The following TAFA2 variants were observed in gnomAD, a reference collection of about 807,000 sequenced individuals.
The protein encoded by TAFA2 is TAFA chemokine like family member 2.
Under a neutral mutation model 18.8 loss-of-function variants are expected in TAFA2, and 7 were observed. That is an observed-to-expected ratio of 0.37 (90% CI 0.21 to 0.70). The LOEUF (loss-of-function observed/expected upper bound fraction) is 0.70. Ranked by LOEUF, TAFA2 falls within the 30% of genes least tolerant of loss-of-function variation. The pLI is 0.53. For synonymous variants in TAFA2, 60 were observed against 54.2 expected, an observed-to-expected ratio of 1.11 and a Z score of -0.47; for missense variants, 122 against 158.1, an observed-to-expected ratio of 0.77 and a Z score of 1.23.
intron 1 of TAFA2, among the ~76,000 whole-genome samples, chr12:61,941,631 C>T (rs1159874653): frequency 1.3e-5 from 2 of 152,212 alleles, no homozygotes; most frequent in Non-Finnish European, 2.9e-5. Flanking sequence ...CGAGGCATTG[C>T]CTCACCTGGG....
intron 1 of TAFA2, among the ~76,000 whole-genome samples, chr12:62,124,150 G>A (rs1271577794): frequency 6.6e-6 from 1 of 151,932 alleles, no homozygotes; most frequent in Admixed American, 6.6e-5. Context: ...TCAGAGAATC[G>A]CAAAGATTGC....
In TAFA2 at chr12:62,239,476, T is replaced by TTAATA. The variant is rs1448406719; in HGVS notation, c.-130+19282_-130+19286dup. ...ATGACAGTGATACTCCTCTCATCAA[T>TTAATA]TAATAGCTCCTCTTTTTAGTTTTGG... On this transcript the variant is annotated intron_variant, in intron 1 of 5. Transcript: ENST00000551619. Among the ~76,000 whole-genome samples the TTAATA allele has an allele frequency of 6.6e-5, 10 of 152,338 alleles. No homozygotes were observed. In the South Asian group the frequency reaches 1.4e-3, roughly 22 times the overall value.
intron 1 of TAFA2, among the ~76,000 whole-genome samples, chr12:62,149,720 T>C (rs1429695885): frequency 1.3e-5 from 2 of 151,952 alleles, no homozygotes; most frequent in Non-Finnish European, 2.9e-5. Context: ...AAGCATCATT[T>C]TTAAGGTTCA....
In TAFA2 at chr12:61,896,990, T is replaced by G. The variant is rs1353886192; in HGVS notation, c.-1-29564A>C. 3.7e-4 allele frequency among the ~76,000 whole-genome samples: 56 copies of G among 152,140 alleles called. 1 individual carries two copies. The highest frequency in any genetic ancestry group is 3.7e-3 in the Admixed American group (56 of 15,272). On this transcript the variant is annotated intron_variant, in intron 1 of 4. Coordinates refer to ENST00000416284, the MANE Select transcript of TAFA2 (RefSeq NM_178539.5). ...GGGTCCAGATGATCTCAAAAATGAC[T>G]GATTTCATGCAATATTACTTTTCCA...
chr12:61,973,589 T>C (rs1226224086), intron 1 of TAFA2, among the ~76,000 whole-genome samples: 1 of 151,636 alleles, frequency 6.6e-6, no homozygotes, highest in Admixed American at 6.6e-5. Context: ...AACAATTATA[T>C]CTCAATCCCC....
intron 1 of TAFA2, among the ~76,000 whole-genome samples, chr12:62,079,402 C>T (rs111361942): frequency 0.12 from 17,618 of 151,780 alleles, 1,145 homozygotes; most frequent in Non-Finnish European, 0.14. Flanking sequence ...CCTGTAATCC[C>T]AGCACTTTGG....
chr12:62,106,522 T>C (rs73123987), intron 1 of TAFA2, among the ~76,000 whole-genome samples: 15,071 of 152,194 alleles, frequency 0.099, 972 homozygotes, highest in Non-Finnish European at 0.14. Flanking sequence ...ATGCTTCGAA[T>C]TCCTGACTTG....
At chr12:62,235,800 C>A (rs1436500614) in intron 1 of TAFA2, among the ~76,000 whole-genome samples, 2 of 152,064 alleles carry the variant, frequency 1.3e-5, no homozygotes, top group Non-Finnish European at 2.9e-5. Flanking sequence ...GTCACCCAGG[C>A]TGGACCCTTG....
chr12:62,252,853 G>A (rs187333669), intron 1 of TAFA2: 1 of 152,126 alleles, frequency 6.6e-6, no homozygotes, highest in Non-Finnish European at 1.5e-5. Flanking sequence ...TGTGTCATGA[G>A]ATCAAACACT....
At chr12:61,778,398 T>C (rs959020208) in intron 2 of TAFA2, among the ~76,000 whole-genome samples, 2 of 151,810 alleles carry the variant, frequency 1.3e-5, no homozygotes, top group Non-Finnish European at 2.9e-5. Context: ...GTGAGAGTTC[T>C]AGTGACTCCC....
chr12:61,753,388 C>G (rs971948212), intron 4 of TAFA2, among the ~76,000 whole-genome samples: 1 of 151,918 alleles, frequency 6.6e-6, no homozygotes, highest in African/African-American at 2.4e-5. Flanking sequence ...AAGGAGCAAA[C>G]AGTGTTTATT....
intron 1 of TAFA2, among the ~76,000 whole-genome samples, chr12:62,085,656 G>A (rs1383412199): frequency 6.6e-6 from 1 of 152,056 alleles, no homozygotes; most frequent in Non-Finnish European, 1.5e-5. Context: ...TGATCTCATT[G>A]AGCAAATATT....
At position 61,986,155 on chromosome 12, in the gene TAFA2, C is replaced by G. The variant is rs1033445139; in HGVS notation, c.-1-118729G>C. On this transcript the variant is annotated intron_variant, in intron 1 of 4. Coordinates refer to ENST00000416284, the MANE Select transcript of TAFA2 (RefSeq NM_178539.5). ...AATCTAGACATAGACAATCTAAGCTCTTCTTTTTTTTTTTTTTTTTTTTTT... is the reference window on the plus strand; with the variant it reads ...AATCTAGACATAGACAATCTAAGCTGTTCTTTTTTTTTTTTTTTTTTTTTT... 3.7e-5 allele frequency among the ~76,000 whole-genome samples: 4 copies of G among 107,910 alleles called. No individual in the cohort carries two copies. The South Asian group carries it at 1.3e-3, about 36-fold the overall frequency. 70.8% of individuals were successfully genotyped at this position (107,910 alleles called of 152,430 possible).
chr12:61,862,387 G>A (rs552788787), intron 2 of TAFA2, among the ~76,000 whole-genome samples: 2 of 152,306 alleles, frequency 1.3e-5, no homozygotes, highest in African/African-American at 4.8e-5. Context: ...GTAAGGGACT[G>A]TTAGTTCTCA....
At chr12:62,007,652 T>A (rs1311177198) in intron 1 of TAFA2, among the ~76,000 whole-genome samples, 2 of 152,198 alleles carry the variant, frequency 1.3e-5, no homozygotes, top group African/African-American at 4.8e-5. Context: ...CCATCTTCTT[T>A]CTTTTGATTG....
rs546156328 is a variant in TAFA2, at chr12:62,104,260, T to A, written c.-2+86999A>T. 1.2e-4 allele frequency among the ~76,000 whole-genome samples: 16 copies of A among 131,772 alleles called. No homozygotes were observed. The South Asian group carries it at 4.3e-3, about 36-fold the overall frequency. The allele number at this position is 131,772 out of a possible 152,430, so 86.4% of individuals were successfully genotyped here. On this transcript the variant is annotated intron_variant, in intron 1 of 4. Transcript: ENST00000416284. Reference sequence around the variant, plus strand: ...ATAGCTTTCACAGTTGAATTTGGAATGCTGTTCTTCTGAAGCAAAAAAAAA... The same window carrying A: ...ATAGCTTTCACAGTTGAATTTGGAAAGCTGTTCTTCTGAAGCAAAAAAAAA...
chr12:61,748,253 G>A (rs951768783), intron 4 of TAFA2, among the ~76,000 whole-genome samples: 9 of 152,086 alleles, frequency 5.9e-5, no homozygotes, highest in African/African-American at 2.2e-4. Context: ...TGTGTGTGTA[G>A]TAGATCACTA....
chr12:61,766,496 G>C (rs1424651636), intron 2 of TAFA2, among the ~76,000 whole-genome samples: 1 of 152,110 alleles, frequency 6.6e-6, no homozygotes, highest in Non-Finnish European at 1.5e-5. Flanking sequence ...CTAGGAAGCT[G>C]TTACTTAGCC....
intron 1 of TAFA2, among the ~76,000 whole-genome samples, chr12:62,248,700 C>A (rs1293613674): frequency 6.6e-6 from 1 of 152,170 alleles, no homozygotes; most frequent in African/African-American, 2.4e-5. Context: ...CCTTCCACTC[C>A]ATTTACTTTA....
Sources: gnomAD v4.1 joint callset for allele counts (sites outside exome capture counted in the v4.1 genomes callset) on GRCh38, gnomAD v4.1.1 for gene constraint, MANE v1.5 for transcripts, NCBI Gene and HGNC (gene_info 2026-07-23, HGNC 2026-07-21) for gene names.